The following MAP6 variants were observed in gnomAD, a reference collection of about 807,000 sequenced individuals.
MAP6 encodes the protein microtubule associated protein 6.
A neutral mutation model predicts 42.4 loss-of-function variants in MAP6; 26 were observed. The observed-to-expected ratio is 0.61, with a 90% CI of 0.45 to 0.85. The LOEUF is 0.85. Ranked by LOEUF, MAP6 falls within the 40% of genes least tolerant of loss-of-function variation. The pLI, the probability that MAP6 is intolerant of heterozygous loss-of-function variation, is 0.00. For synonymous variants in MAP6, 418 were observed against 443.8 expected, an observed-to-expected ratio of 0.94 and a Z score of 0.73; for missense variants, 966 against 1,099.0, an observed-to-expected ratio of 0.88 and a Z score of 1.71.
intron 1 of MAP6, among the ~76,000 whole-genome samples, chr11:75,630,088 A>G (rs1296420616): frequency 2.0e-5 from 3 of 152,182 alleles, no homozygotes; most frequent in South Asian, 4.1e-4. Flanking sequence ...TGCTGTAACT[A>G]TCATCACCAC....
intron 1 of MAP6, among the ~76,000 whole-genome samples, chr11:75,610,895 G>C (rs758978636): frequency 1.3e-5 from 2 of 152,104 alleles, no homozygotes; most frequent in Non-Finnish European, 2.9e-5. Context: ...GAAGAAAATA[G>C]GCTTTGGAAA....
intron 3 of MAP6, 111 bp from the exon 4 acceptor site, chr11:75,588,295 C>T (rs775278491): frequency 4.7e-5 from 43 of 918,028 alleles, no homozygotes; most frequent in Non-Finnish European, 6.4e-5. Context: ...CCGGGCAGCT[C>T]TTGCTGGAGA....
chr11:75,665,570 T>C (rs1264108050), intron 1 of MAP6, among the ~76,000 whole-genome samples: 2 of 152,182 alleles, frequency 1.3e-5, no homozygotes, highest in South Asian at 4.1e-4. Context: ...CAGTAATCTA[T>C]GATGTTGGGC....
At chr11:75,657,624 G>A (rs1453553220) in intron 1 of MAP6, among the ~76,000 whole-genome samples, 1 of 152,144 alleles carries the variant, frequency 6.6e-6, no homozygotes, top group Non-Finnish European at 1.5e-5. Context: ...ATGGCTTAAA[G>A]CAACACAGAT....
intron 1 of MAP6, among the ~76,000 whole-genome samples, chr11:75,648,925 T>C (rs1453418034): frequency 6.6e-6 from 1 of 152,200 alleles, no homozygotes; most frequent in East Asian, 1.9e-4. Flanking sequence ...TCTGACATTA[T>C]AAGACAAAGG....
intron 1 of MAP6, among the ~76,000 whole-genome samples, chr11:75,652,452 T>C (rs1237384419): frequency 6.6e-6 from 1 of 152,224 alleles, no homozygotes; most frequent in Admixed American, 6.5e-5. Context: ...ATCAGACTAA[T>C]CTTTCTAGGT....
At chr11:75,591,491 G>A (rs1379582391) in intron 3 of MAP6, among the ~76,000 whole-genome samples, 1 of 152,072 alleles carries the variant, frequency 6.6e-6, no homozygotes, top group African/African-American at 2.4e-5. Flanking sequence ...CACCTCCTCC[G>A]TGAGGCTGGT....
At position 75,668,668 on chromosome 11, in the gene MAP6, G is replaced by T; in HGVS notation, c.-299C>A. The T allele has an allele frequency of 4.0e-6, 1 of 250,176 alleles. No individual in the cohort carries two copies. 15.5% of individuals were successfully genotyped at this position (250,176 alleles called of 1,614,324 possible). On this transcript the variant is annotated 5_prime_UTR_variant, in exon 1 of 4. Transcript: ENST00000304771. ...AGTCCCCGGCGAGGGTGTCTGGGAC[G>T]CGCCCCTCCCTGCGGCTGCGGCGGC... is the stretch of plus-strand genomic sequence containing the variant.
intron 1 of MAP6, among the ~76,000 whole-genome samples, chr11:75,645,890 G>A (rs991324870): frequency 8.6e-5 from 13 of 151,804 alleles, no homozygotes; most frequent in African/African-American, 2.9e-4. Context: ...ATAAGGAGTG[G>A]TTTAAAGACG....
intron 3 of MAP6, chr11:75,603,872 T>C: frequency 1.0e-6 from 1 of 985,468 alleles, no homozygotes; most frequent in Non-Finnish European, 1.2e-6. Flanking sequence ...ATCCAAATTG[T>C]GGCTAGCATC....
chr11:75,657,935 C>G (rs1943778613), intron 1 of MAP6, among the ~76,000 whole-genome samples: 1 of 152,176 alleles, frequency 6.6e-6, no homozygotes, highest in Admixed American at 6.5e-5. Context: ...CCTGTAAAAT[C>G]CCCTTTGCCA....
intron 1 of MAP6, among the ~76,000 whole-genome samples, chr11:75,616,703 C>A (rs1942999901): frequency 1.3e-5 from 2 of 152,350 alleles, no homozygotes; most frequent in East Asian, 1.9e-4. Flanking sequence ...CCAGAAATGA[C>A]TGGGCCGAGA....
chr11:75,615,577 A>G (rs1004982402), intron 1 of MAP6, among the ~76,000 whole-genome samples: 6 of 152,248 alleles, frequency 3.9e-5, no homozygotes, highest in Non-Finnish European at 1.5e-5. Context: ...GGAGAGATCA[A>G]CAATTACACA....
chr11:75,608,052 G>A (rs1942812645), intron 2 of MAP6, 57 bp downstream of exon 2: 5 of 1,537,604 alleles, frequency 3.3e-6, no homozygotes, highest in Admixed American at 3.4e-5. Context: ...ATGCTCTGCT[G>A]CAGTTAACCC....
chr11:75,617,737 G>T (rs1049897457), intron 1 of MAP6, among the ~76,000 whole-genome samples: 6 of 152,054 alleles, frequency 3.9e-5, no homozygotes, highest in African/African-American at 1.4e-4. Flanking sequence ...AAAGAAATAA[G>T]AGATAGATGA....
chr11:75,659,004 G>C (rs746418889), intron 1 of MAP6, among the ~76,000 whole-genome samples: 16 of 152,150 alleles, frequency 1.1e-4, no homozygotes, highest in Admixed American at 1.3e-4. Flanking sequence ...ATAACCATAA[G>C]ACTCCTGAGA....
At chr11:75,650,622 T>C (rs959569390) in intron 1 of MAP6, among the ~76,000 whole-genome samples, 2 of 152,194 alleles carry the variant, frequency 1.3e-5, no homozygotes, top group African/African-American at 4.8e-5. Flanking sequence ...TGAGTATTAA[T>C]ATTTAGGAAT....
intron 1 of MAP6, among the ~76,000 whole-genome samples, chr11:75,620,142 A>G (rs1943081892): frequency 6.6e-6 from 1 of 152,232 alleles, no homozygotes; most frequent in Non-Finnish European, 1.5e-5. Context: ...TAAGGAAAAA[A>G]TGAACATCAA....
chr11:75,592,221 A>T (rs1037934957), intron 3 of MAP6, among the ~76,000 whole-genome samples: 10 of 151,908 alleles, frequency 6.6e-5, no homozygotes, highest in Non-Finnish European at 2.9e-5. Flanking sequence ...TTTCGTTTGC[A>T]TCCCTGCTGC....
Sources: allele counts gnomAD v4.1 joint callset (sites outside exome capture counted in the v4.1 genomes callset), GRCh38; gene constraint gnomAD v4.1.1; transcripts MANE v1.5; gene names NCBI Gene and HGNC (gene_info 2026-07-23, HGNC 2026-07-21).